Variants in THSD4 observed in about 807,000 individuals in gnomAD.
The protein encoded by THSD4 is thrombospondin type 1 domain containing 4.
A neutral mutation model predicts 119.0 loss-of-function variants in THSD4; 69 were observed. The observed-to-expected ratio is 0.58, with a 90% CI of 0.48 to 0.71. The LOEUF (loss-of-function observed/expected upper bound fraction) is 0.71, where lower values mean the gene tolerates loss of function less well. Ranked by LOEUF, THSD4 falls within the 30% of genes least tolerant of loss-of-function variation. THSD4 has a pLI of 0.00. For synonymous variants in THSD4, 524 were observed against 540.4 expected, an observed-to-expected ratio of 0.97 and a Z score of 0.42; for missense variants, 1,393 against 1,391.1, an observed-to-expected ratio of 1.00 and a Z score of -0.02.
At chr15:71,619,160 T>C (rs1354137508) in intron 7 of THSD4, among the ~76,000 whole-genome samples, 1 of 150,518 alleles carries the variant, frequency 6.6e-6, no homozygotes. Flanking sequence ...TTAGTGGAGA[T>C]GGGGTTTCAC....
chr15:71,777,030 A>G (rs2053925625), intron 17 of THSD4, among the ~76,000 whole-genome samples: 4 of 152,226 alleles, frequency 2.6e-5, no homozygotes, highest in Admixed American at 2.0e-4. Flanking sequence ...ACAGATGAGT[A>G]ACTTATTCTC....
intron 6 of THSD4, among the ~76,000 whole-genome samples, chr15:71,307,881 T>G (rs564354254): frequency 6.6e-6 from 1 of 152,312 alleles, no homozygotes; most frequent in South Asian, 2.1e-4. Context: ...CCAGGAGAAA[T>G]CAGGCACAGG....
intron 8 of THSD4, among the ~76,000 whole-genome samples, chr15:71,702,026 C>G (rs1338773343): frequency 6.6e-6 from 1 of 152,256 alleles, no homozygotes; most frequent in African/African-American, 2.4e-5. Flanking sequence ...CAGATGCCCC[C>G]TGCCAGGCCT....
intron 6 of THSD4, among the ~76,000 whole-genome samples, chr15:71,386,507 G>A (rs2046295268): frequency 1.3e-5 from 2 of 152,262 alleles, no homozygotes; most frequent in South Asian, 2.1e-4. Flanking sequence ...GGGAAAAGGG[G>A]CATATATTTT....
chr15:71,578,266 G>C lies in THSD4; in HGVS notation c.1153-82264G>C, dbSNP rs945668434. Among the ~76,000 whole-genome samples, 3 of 151,230 alleles carry C rather than the reference G, an allele frequency of 2.0e-5. 1 individual carries two copies. The highest frequency in any genetic ancestry group is 7.3e-5 in the African/African-American group (3 of 41,092). On this transcript the variant is annotated intron_variant, in intron 7 of 17. Transcript: ENST00000261862. ...CTTGTAAGCGGCAGTGTAGACTCCA[G>C]GTGGTTATCTTGGCAGTGGGGTAGC...
At chr15:71,337,246 G>A (rs967735331) in intron 6 of THSD4, among the ~76,000 whole-genome samples, 1 of 152,182 alleles carries the variant, frequency 6.6e-6, no homozygotes, top group Non-Finnish European at 1.5e-5. Context: ...CAGGCCAGTG[G>A]TAGGGTCTAG....
At chr15:71,160,315 A>T (rs1462230999) in intron 3 of THSD4, among the ~76,000 whole-genome samples, 2 of 151,970 alleles carry the variant, frequency 1.3e-5, no homozygotes, top group African/African-American at 4.8e-5. Context: ...TGGAATCAGG[A>T]TAATGCTGGT....
chr15:71,556,352 AC>A (rs1275726286), intron 7 of THSD4, among the ~76,000 whole-genome samples: 3 of 149,390 alleles, frequency 2.0e-5, no homozygotes, highest in African/African-American at 7.5e-5. Context: ...AAGGTCTTAT[AC>A]ATCTTTATTT....
At chr15:71,522,281 C>T (rs1038142341) in intron 7 of THSD4, among the ~76,000 whole-genome samples, 2 of 152,074 alleles carry the variant, frequency 1.3e-5, no homozygotes, top group Admixed American at 1.3e-4. Flanking sequence ...CCAAATGTTA[C>T]TATTATTATT....
At position 71,279,470 on chromosome 15, in the gene THSD4, A is replaced by G. The variant is rs530263421; in HGVS notation, c.1015+22755A>G. Among the ~76,000 whole-genome samples the G allele has an allele frequency of 1.4e-3, 220 of 152,330 alleles. 2 individuals are homozygous for G. The highest frequency in any genetic ancestry group is 2.6e-3 in the Non-Finnish European group (177 of 68,030). On this transcript the variant is annotated intron_variant, in intron 6 of 17. Transcript: ENST00000261862. ...CCTTGGTGATAAATGGCACCTTTAA[A>G]AATCCTTTGGCACATTCTTAGGATG...
chr15:71,492,248 TTTTG>T (rs1180231216), intron 7 of THSD4, among the ~76,000 whole-genome samples: 2 of 151,870 alleles, frequency 1.3e-5, no homozygotes, highest in Non-Finnish European at 2.9e-5. Flanking sequence ...TCGTCTTAGG[TTTTG>T]TTTATTTTAT....
intron 8 of THSD4, among the ~76,000 whole-genome samples, chr15:71,701,650 G>A (rs2052290973): frequency 1.3e-5 from 2 of 151,958 alleles, no homozygotes; most frequent in Admixed American, 6.6e-5. Context: ...ACAAAATGAA[G>A]GTCCTTAAAA....
intron 1 of THSD4, among the ~76,000 whole-genome samples, chr15:71,100,456 T>A (rs7183795): frequency 0.2 from 29,881 of 152,006 alleles, 3,393 homozygotes; most frequent in African/African-American, 0.32. Context: ...ATCAGATTTT[T>A]CCCCAGTAAA....
chr15:71,716,712 A>G (rs1271546676), intron 8 of THSD4, among the ~76,000 whole-genome samples: 2 of 151,996 alleles, frequency 1.3e-5, no homozygotes, highest in African/African-American at 4.8e-5. Flanking sequence ...CTGACCGCAC[A>G]CTATCATCCT....
At chr15:71,654,642 T>G (rs948462592) in intron 7 of THSD4, among the ~76,000 whole-genome samples, 1 of 152,204 alleles carries the variant, frequency 6.6e-6, no homozygotes, top group African/African-American at 2.4e-5. Context: ...AAGGATTTCT[T>G]TCAACAGAAT....
intron 6 of THSD4, among the ~76,000 whole-genome samples, chr15:71,373,310 T>C (rs917979587): frequency 2.6e-5 from 4 of 152,192 alleles, no homozygotes; most frequent in African/African-American, 7.2e-5. Flanking sequence ...GAATTTTGTA[T>C]TATGGTCTAA....
chr15:71,594,144 A>G (rs913352066), intron 7 of THSD4, among the ~76,000 whole-genome samples: 6 of 151,286 alleles, frequency 4.0e-5, no homozygotes, highest in Non-Finnish European at 8.8e-5. Context: ...CTTCTGCCTC[A>G]CAGCCTAGGG....
Position 71,399,567 on chromosome 15 carries a change from A to G in THSD4, c.1016-12120A>G, listed in dbSNP as rs956372047. On this transcript the variant is annotated intron_variant, in intron 6 of 17. Transcript: ENST00000261862. ...CCTTTCATTTAAGTAGCCAAACATC[A>G]ATTTTTATGTTAGCTATGGCAGTGC... Among the ~76,000 whole-genome samples the G allele has an allele frequency of 1.5e-4, 23 of 152,184 alleles. 2 individuals are homozygous for G. The highest frequency in any genetic ancestry group is 1.4e-3 in the Admixed American group (22 of 15,280).
chr15:71,653,118 C>G (rs376879111), intron 7 of THSD4, among the ~76,000 whole-genome samples: 19 of 152,166 alleles, frequency 1.2e-4, no homozygotes, highest in African/African-American at 4.3e-4. Flanking sequence ...ATTCAACAAA[C>G]GCTTATTAAA....
Sources: gnomAD v4.1 joint callset for allele counts (sites outside exome capture counted in the v4.1 genomes callset) on GRCh38, gnomAD v4.1.1 for gene constraint, MANE v1.5 for transcripts, NCBI Gene and HGNC (gene_info 2026-07-23, HGNC 2026-07-21) for gene names.